The following TRAP1 variants were observed in gnomAD, a reference collection of about 807,000 sequenced individuals.
TRAP1 encodes the protein heat shock protein 75 kDa, mitochondrial.
TRAP1 carries 102 observed loss-of-function variants against 89.1 expected under a neutral mutation model. That is an observed-to-expected ratio of 1.15 (90% CI 0.98 to 1.35). The LOEUF (loss-of-function observed/expected upper bound fraction) is 1.35. Ranked by LOEUF, TRAP1 falls within the 40% of genes most tolerant of loss-of-function variation. The probability of loss-of-function intolerance (pLI) is 0.00; values close to 1 mark genes in which losing one functional copy is unlikely to be tolerated. For synonymous variants in TRAP1, 508 were observed against 388.0 expected (o/e 1.31, Z -3.64); for missense variants, 1,256 against 945.3 (o/e 1.33, Z -4.31).
chr16:3,667,262 C>T (rs899290433), intron 11 of TRAP1, among the ~76,000 whole-genome samples: 2 of 152,010 alleles, frequency 1.3e-5, no homozygotes, highest in Non-Finnish European at 2.9e-5. Flanking sequence ...CAGGGACACC[C>T]GCAGAAGAGG....
intron 14 of TRAP1, 52 bp from the exon 15 acceptor site, chr16:3,663,019 C>T (rs1175686909): frequency 6.9e-7 from 1 of 1,443,928 alleles, no homozygotes; most frequent in Non-Finnish European, 9.4e-7. Context: ...AACTCCCCGG[C>T]TTCCATGGGG....
At chr16:3,659,588 A>C (rs1377919514) in intron 16 of TRAP1, 1 of 152,146 alleles carries the variant, frequency 6.6e-6, no homozygotes, top group Non-Finnish European at 1.5e-5. Flanking sequence ...GAATATTATA[A>C]TTTTTCACTT....
At chr16:3,704,823 G>A (rs1355774287) in intron 1 of TRAP1, among the ~76,000 whole-genome samples, 1 of 151,352 alleles carries the variant, frequency 6.6e-6, no homozygotes, top group African/African-American at 2.4e-5. Context: ...AGACCAGCCT[G>A]GGCAACATAG....
chr16:3,682,760 C>G (rs2051089388), intron 4 of TRAP1, among the ~76,000 whole-genome samples: 1 of 150,692 alleles, frequency 6.6e-6, no homozygotes, highest in African/African-American at 2.4e-5. Context: ...CTACAGGGGG[C>G]TGATGTGGTA....
chr16:3,664,364 G>T lies in TRAP1; in HGVS notation c.1479C>A (p.Gly493=). Residue 493 remains glycine, a synonymous_variant, in exon 13 of 18, where the codon GGC becomes GGA. Transcript: ENST00000246957. ...CGCACAGGTAGTAGATGTTGCGGGTGCCGGCCCGCATGCGGCTGGCGTATT... is the reference window on the plus strand; with the variant it reads ...CGCACAGGTAGTAGATGTTGCGGGTTCCGGCCCGCATGCGGCTGGCGTATT... ...LSEYASRMRA[G]TRNIYYLCAP... is the part of the protein sequence containing the mutation. The T allele has an allele frequency of 6.2e-7, 1 of 1,613,014 alleles. No homozygotes were observed. Among genetic ancestry groups the T allele is most frequent in the Non-Finnish European group, 8.5e-7 (1 of 1,179,612 alleles).
At chr16:3,712,318 A>AAAC (rs2051543054) in intron 1 of TRAP1, among the ~76,000 whole-genome samples, 1 of 134,060 alleles carries the variant, frequency 7.5e-6, no homozygotes, top group African/African-American at 2.9e-5. Flanking sequence ...AAAAAAAAAA[A>AAAC]AGATATGTCA....
intron 1 of TRAP1, among the ~76,000 whole-genome samples, chr16:3,714,511 T>C (rs2051571999): frequency 6.6e-6 from 1 of 152,074 alleles, no homozygotes; most frequent in Admixed American, 6.6e-5. Flanking sequence ...ATACAAAACC[T>C]AGCTGGGTGT....
At chr16:3,709,296 A>C (rs933287471) in intron 1 of TRAP1, among the ~76,000 whole-genome samples, 5 of 152,026 alleles carry the variant, frequency 3.3e-5, no homozygotes, top group Admixed American at 2.6e-4. Flanking sequence ...CAAAAACAAG[A>C]AACATCAATG....
intron 9 of TRAP1, among the ~76,000 whole-genome samples, chr16:3,673,178 T>C (rs1002068685): frequency 2.6e-5 from 4 of 152,208 alleles, no homozygotes; most frequent in Non-Finnish European, 5.9e-5. Flanking sequence ...TACCTCTGTG[T>C]AGCCTAAGAG....
At chr16:3,687,311 C>G (rs1180251837) in intron 3 of TRAP1, 1 of 152,218 alleles carries the variant, frequency 6.6e-6, no homozygotes, top group African/African-American at 2.4e-5. Context: ...TCCTTGCCTT[C>G]CACCATGACT....
Position 3,675,336 on chromosome 16 carries a change from C to CAT in TRAP1, c.874_875dup (p.Met292IlefsTer2). 1 of 1,614,062 alleles carries CAT rather than the reference C, an allele frequency of 6.2e-7. No homozygotes were observed. The highest frequency in any genetic ancestry group is 8.5e-7 in the Non-Finnish European group (1 of 1,179,936). On this transcript the variant is annotated frameshift_variant, in exon 8 of 18. Transcript: ENST00000246957. LOFTEE classifies it high-confidence loss of function. ...ACTCAGGGCTCACCTGCAAGGTGTT[C>CAT]ATCCGCCTTCCATTCAAGTACAAGG...
At chr16:3,710,879 A>ATATTTTTTTTTTTT (rs71133652) in intron 1 of TRAP1, among the ~76,000 whole-genome samples, 2 of 125,834 alleles carry the variant, frequency 1.6e-5, no homozygotes, top group African/African-American at 6.5e-5. Flanking sequence ...ATATATATAT[A>ATATTTTTTTTTTTT]TTTTTTTTTT....
At chr16:3,699,136 C>G (rs550856184) in intron 1 of TRAP1, among the ~76,000 whole-genome samples, 5 of 152,252 alleles carry the variant, frequency 3.3e-5, no homozygotes, top group African/African-American at 1.2e-4. Context: ...TTCCACCCCC[C>G]ACATCCCTAC....
intron 8 of TRAP1, 25 bp downstream of exon 8, chr16:3,675,299 G>C (rs2050974066): frequency 1.2e-6 from 2 of 1,609,928 alleles, no homozygotes; most frequent in South Asian, 1.1e-5. Context: ...TGTTTGACCA[G>C]TCCCTAGAGG....
chr16:3,692,343 C>A (rs1271901448), intron 1 of TRAP1, among the ~76,000 whole-genome samples: 3 of 152,052 alleles, frequency 2.0e-5, no homozygotes, highest in African/African-American at 7.2e-5. Flanking sequence ...CGAGACCAGC[C>A]TGGCCAACAT....
chr16:3,716,144 C>T (rs1015525021), intron 1 of TRAP1, among the ~76,000 whole-genome samples: 15 of 152,196 alleles, frequency 9.9e-5, no homozygotes, highest in African/African-American at 9.7e-5. Context: ...TGAGCCACCG[C>T]GCCCGGCCAC....
chr16:3,676,181 G>C, intron 6 of TRAP1, 36 bp from the exon 7 acceptor site: 2 of 1,585,724 alleles, frequency 1.3e-6, no homozygotes, highest in Non-Finnish European at 1.7e-6. Flanking sequence ...CCAGGTGGAT[G>C]TGACACTGGG....
At chr16:3,685,248 G>A (rs546118181) in intron 4 of TRAP1, among the ~76,000 whole-genome samples, 2 of 152,302 alleles carry the variant, frequency 1.3e-5, no homozygotes, top group African/African-American at 4.8e-5. Context: ...CAAACAGCTG[G>A]CACGTACCAC....
chr16:3,704,651 G>A (rs925395311), intron 1 of TRAP1, among the ~76,000 whole-genome samples: 11 of 151,808 alleles, frequency 7.2e-5, no homozygotes, highest in Admixed American at 5.2e-4. Context: ...TCAGGAGCTC[G>A]AGGCCAGCCT....
Sources: gnomAD v4.1 joint callset for allele counts (sites outside exome capture counted in the v4.1 genomes callset) on GRCh38, gnomAD v4.1.1 for gene constraint, MANE v1.5 for transcripts, NCBI Gene and HGNC (gene_info 2026-07-23, HGNC 2026-07-21) for gene names.